LRRK2: variants seen among roughly 807,000 people sequenced by gnomAD.
The protein encoded by LRRK2 is leucine rich repeat kinase 2, also known as leucine-rich repeat serine/threonine-protein kinase 2.
A neutral mutation model predicts 302.6 loss-of-function variants in LRRK2; 203 were observed. That is an observed-to-expected ratio of 0.67 (90% CI 0.60 to 0.75). LRRK2 has a LOEUF of 0.75. Ranked by LOEUF, LRRK2 falls within the 30% of genes least tolerant of loss-of-function variation. LRRK2 has a pLI of 0.00. For missense variants in LRRK2, 2,830 were observed against 2,951.0 expected, an observed-to-expected ratio of 0.96 and a Z score of 0.95; for synonymous variants, 1,066 against 1,031.9, an observed-to-expected ratio of 1.03 and a Z score of -0.63.
At position 40,243,675 on chromosome 12, in the gene LRRK2, A is replaced by T; in HGVS notation, c.832A>T (p.Thr278Ser). 6.2e-7 allele frequency: 1 copy of T among 1,611,392 alleles called. No individual in the cohort carries two copies. The highest frequency in any genetic ancestry group is 8.5e-7 in the Non-Finnish European group (1 of 1,178,158). The change falls in exon 7 of 51, where the codon ACA becomes TCA. Residue 278 changes from threonine (T) to serine (S), a missense_variant. Physicochemically the swap from Thr to Ser is moderately conservative, Grantham distance 58. This residue lies in a region of LRRK2 where 2,121 missense variants were observed against 2,148.0 expected (regional missense o/e 0.99). Transcript: ENST00000298910. ...EVSCCLLHRL[T>S]LGNFFNILVL... Reference sequence around the variant, plus strand: ...GAGTTGCTGTTTGCTCCATAGGCTTACATTAGGTGAGTTTCTTAGTTAATA... The same window carrying T: ...GAGTTGCTGTTTGCTCCATAGGCTTTCATTAGGTGAGTTTCTTAGTTAATA...
intron 48 of LRRK2, among the ~76,000 whole-genome samples, chr12:40,364,274 G>T (rs1431173076): frequency 3.3e-5 from 5 of 149,736 alleles, no homozygotes; most frequent in African/African-American, 1.2e-4. Context: ...TGTGAGAAGG[G>T]CTCACAGTTT....
chr12:40,305,140 T>A (rs759773073), intron 27 of LRRK2, among the ~76,000 whole-genome samples: 1 of 152,124 alleles, frequency 6.6e-6, no homozygotes, highest in Non-Finnish European at 1.5e-5. Context: ...TTTGTTTGTC[T>A]CAGAAAATAT....
chr12:40,359,037 A>G (rs1254695383), intron 46 of LRRK2, among the ~76,000 whole-genome samples: 1 of 151,078 alleles, frequency 6.6e-6, no homozygotes, highest in African/African-American at 2.4e-5. Context: ...GTTGTTGTAT[A>G]GATATGCTAC....
At position 40,315,296 on chromosome 12, in the gene LRRK2, C is replaced by T; in HGVS notation, c.4823C>T (p.Ala1608Val). The part of the protein sequence containing the change: ...VEPKWLCKIM[A>V]QILTVKVEGC... The stretch of plus-strand genomic sequence containing the variant: ...CCCAAGTGGCTTTGTAAAATCATGG[C>T]ACAGGTTGGTGTCTTTTATTTTTGT... The change falls in exon 33 of 51, where the codon GCA (alanine) becomes GTA (valine). Residue 1608 changes from alanine to valine, a missense_variant. Physicochemically the swap from Ala to Val is moderately conservative, Grantham distance 64 (BLOSUM62 0). This residue lies in a region of LRRK2 where 2,121 missense variants were observed against 2,148.0 expected (regional missense o/e 0.99). Coordinates refer to ENST00000298910, the MANE Select transcript of LRRK2 (RefSeq NM_198578.4). 1 of 1,611,346 alleles carries T rather than the reference C, an allele frequency of 6.2e-7. No homozygotes were observed. Among genetic ancestry groups the T allele is most frequent in the African/African-American group, 1.3e-5 (1 of 74,926 alleles).
At chr12:40,259,335 C>G in intron 12 of LRRK2, 145 bp from the exon 13 acceptor site, 2 of 927,018 alleles carry the variant, frequency 2.2e-6, no homozygotes, top group Admixed American at 3.9e-5. Flanking sequence ...TATGTATGCT[C>G]ATACTACTGA....
intron 44 of LRRK2, among the ~76,000 whole-genome samples, chr12:40,353,949 G>A (rs17484541): frequency 0.032 from 4,896 of 152,288 alleles, 224 homozygotes; most frequent in Admixed American, 0.12. Flanking sequence ...GCCCAGCTTC[G>A]GCTCGGCATC....
chr12:40,338,660 C>G (rs537371541), intron 40 of LRRK2, among the ~76,000 whole-genome samples: 9 of 152,264 alleles, frequency 5.9e-5, no homozygotes, highest in Non-Finnish European at 8.8e-5. Context: ...TTTTAACTAA[C>G]CAAGATATTA....
At chr12:40,269,768 T>C (rs575426906) in intron 14 of LRRK2, among the ~76,000 whole-genome samples, 9 of 152,194 alleles carry the variant, frequency 5.9e-5, no homozygotes, top group Non-Finnish European at 1.3e-4. Context: ...CGAATGTATT[T>C]CCCAGGTATT....
At chr12:40,335,796 T>C (rs1334995660) in intron 40 of LRRK2, among the ~76,000 whole-genome samples, 1 of 152,186 alleles carries the variant, frequency 6.6e-6, no homozygotes, top group Non-Finnish European at 1.5e-5. Flanking sequence ...ATTGGAGACA[T>C]TCCAGATGAA....
intron 14 of LRRK2, among the ~76,000 whole-genome samples, chr12:40,266,803 C>T (rs1265547339): frequency 2.6e-5 from 4 of 152,080 alleles, no homozygotes; most frequent in African/African-American, 9.6e-5. Context: ...ACATATACAC[C>T]ATGGAATACT....
intron 14 of LRRK2, among the ~76,000 whole-genome samples, chr12:40,269,822 G>A (rs1432980312): frequency 6.6e-6 from 1 of 151,968 alleles, no homozygotes; most frequent in African/African-American, 2.4e-5. Flanking sequence ...CACACTTTTG[G>A]ATGAAATTAA....
chr12:40,256,970 A>C (rs562372081), intron 11 of LRRK2, among the ~76,000 whole-genome samples: 1 of 152,376 alleles, frequency 6.6e-6, no homozygotes, highest in South Asian at 2.1e-4. Flanking sequence ...CACAATGGAC[A>C]GAGACACGGT....
chr12:40,300,597 G>A (rs11175941), intron 25 of LRRK2, among the ~76,000 whole-genome samples: 9,854 of 151,920 alleles, frequency 0.065, 432 homozygotes, highest in Admixed American at 0.13. Flanking sequence ...CTCCTTTTCC[G>A]CGCCCTCCCT....
In LRRK2 at chr12:40,298,778, AAT is replaced by A. The variant is rs113272586; in HGVS notation, c.3347+305_3347+306del. On this transcript the variant is annotated intron_variant, in intron 24 of 50. Coordinates refer to ENST00000298910, the MANE Select transcript of LRRK2 (RefSeq NM_198578.4). ...CAGAGGCGAGACTCTGTCTCAAAGA[AAT>A]ATATATATATATATATATAATATAT... 0.025 allele frequency among the ~76,000 whole-genome samples: 1,539 copies of A among 60,724 alleles called. 226 individuals carry two copies. Among genetic ancestry groups the A allele is most frequent in the African/African-American group, 0.081 (1,304 of 16,092 alleles). The allele number at this position is 60,724 out of a possible 152,430, so 39.8% of individuals were successfully genotyped here.
chr12:40,311,958 C>T (rs533097645), intron 31 of LRRK2, among the ~76,000 whole-genome samples: 55 of 110,454 alleles, frequency 5.0e-4, no homozygotes, highest in African/African-American at 1.9e-3. Flanking sequence ...ATCTCTTAAT[C>T]CAGGTGTTTT....
intron 33 of LRRK2, 29 bp from the exon 34 acceptor site, chr12:40,319,959 A>G (rs751519700): frequency 6.3e-7 from 1 of 1,582,512 alleles, no homozygotes. Context: ...AATAAATTTT[A>G]GTGATTATTT....
intron 44 of LRRK2, among the ~76,000 whole-genome samples, chr12:40,353,238 CAGGCA>C (rs1946418697): frequency 1.9e-5 from 1 of 53,700 alleles, no homozygotes; most frequent in Non-Finnish European, 4.9e-5. Context: ...GGGCAGCTGC[CAGGCA>C]AAGGGGCTCC....
chr12:40,274,637 G>T lies in LRRK2; in HGVS notation c.1711G>T (p.Val571Leu), dbSNP rs1445375900. The T allele has an allele frequency of 6.2e-7, 1 of 1,613,852 alleles. No homozygotes were observed. The highest frequency in any genetic ancestry group is 2.2e-5 in the East Asian group (1 of 44,836). ...TGGATTAAAAGTAATTTCTTCTATTGTACATTTTCCTGATGCATTAGAGAT... is the reference window on the plus strand; with the variant it reads ...TGGATTAAAAGTAATTTCTTCTATTTTACATTTTCCTGATGCATTAGAGAT... ...KCGLKVISSI[V>L]HFPDALEMLS... is the part of the protein sequence containing the mutation. The change falls in exon 15 of 51, where the codon GTA becomes TTA. Residue 571 changes from valine to leucine, a missense_variant. Val to Leu is a conservative substitution (Grantham distance 32). This residue lies in a region of LRRK2 where 2,121 missense variants were observed against 2,148.0 expected (regional missense o/e 0.99). Coordinates refer to ENST00000298910, the MANE Select transcript of LRRK2 (RefSeq NM_198578.4).
intron 7 of LRRK2, among the ~76,000 whole-genome samples, chr12:40,248,227 A>ACAT (rs1351525799): frequency 6.6e-6 from 1 of 152,212 alleles, no homozygotes; most frequent in African/African-American, 2.4e-5. Flanking sequence ...TGCACATGTT[A>ACAT]CATTAAAATG....
Sources: allele counts gnomAD v4.1 joint callset (sites outside exome capture counted in the v4.1 genomes callset), GRCh38; gene constraint gnomAD v4.1.1; regional missense constraint gnomAD v4.1.1; transcripts MANE v1.5; gene names NCBI Gene and HGNC (gene_info 2026-07-23, HGNC 2026-07-21).